The following PINLYP variants were observed in gnomAD, a reference collection of about 807,000 sequenced individuals.
PINLYP encodes phospholipase A2 inhibitor and Ly6/PLAUR domain-containing protein.
In PINLYP, 12 loss-of-function variants were observed where a neutral mutation model predicts 15.8. The ratio of observed to expected loss-of-function variants is 0.76; its 90% confidence interval spans 0.49 to 1.23. The LOEUF (loss-of-function observed/expected upper bound fraction) is 1.23. Ranked by LOEUF, PINLYP falls within the 50% of genes most tolerant of loss-of-function variation. PINLYP has a pLI of 0.00. For synonymous variants in PINLYP, 93 were observed against 97.7 expected (o/e 0.95, Z 0.28); for missense variants, 278 against 264.2 (o/e 1.05, Z -0.36).
At chr19:43,576,917 A>C in exon 1 of PINLYP, 1 of 414,122 alleles carries the variant, frequency 2.4e-6, no homozygotes, top group South Asian at 4.8e-5. Flanking sequence ...GGGCCGTGGG[A>C]AGGTGAGAAA....
chr19:43,581,712 T>C lies in PINLYP; in HGVS notation c.481+9T>C, dbSNP rs1287044534. 2 of 1,536,000 alleles carry C rather than the reference T, an allele frequency of 1.3e-6. No homozygotes were observed. Among genetic ancestry groups the C allele is most frequent in the East Asian group, 2.4e-5 (1 of 40,916 alleles). The stretch of plus-strand genomic sequence containing the variant: ...TGGACACGTGCAGGCTGGTGAGTGG[T>C]GCCTGAATCTCTGGAAAAGGAAACA... On this transcript the variant is annotated intron_variant, in intron 5 of 5. Coordinates refer to ENST00000599207, the Ensembl canonical transcript of PINLYP.
rs1030725034 is a variant in PINLYP at position 43,578,570 on chromosome 19, G to A, written c.71-20G>A. Reference sequence around the variant, plus strand: ...CCACACCACCCATGACTACAGCCTCGCCCTCTGTCTACACTGCAGGGTGCC... The same window carrying A: ...CCACACCACCCATGACTACAGCCTCACCCTCTGTCTACACTGCAGGGTGCC... On this transcript the variant is annotated intron_variant, in intron 2 of 5. Coordinates refer to ENST00000599207, the Ensembl canonical transcript of PINLYP. The A allele has an allele frequency of 1.5e-5, 23 of 1,522,472 alleles. No individual in the cohort carries two copies. In the Admixed American group the frequency reaches 1.6e-4, roughly 10 times the overall value. 94.3% of individuals were successfully genotyped at this position (1,522,472 alleles called of 1,614,324 possible). A position where few individuals can be genotyped will look rare whatever the true frequency, so the allele number is the denominator to read the frequency against.
chr19:43,581,932 T>C, exon 6 of PINLYP: 1 of 1,536,584 alleles, frequency 6.5e-7, no homozygotes, highest in African/African-American at 1.4e-5. Flanking sequence ...TTACCAAGCC[T>C]GGTGCTGAAG....
upstream of PINLYP, chr19:43,575,516 G>A: frequency 3.2e-6 from 5 of 1,572,842 alleles, no homozygotes; most frequent in East Asian, 2.3e-5. Context: ...GGGTCCGAGG[G>A]GCAGGGAGAG....
chr19:43,576,957 G>A, intron 1 of PINLYP, 38 bp downstream of exon 1: 1 of 595,358 alleles, frequency 1.7e-6, no homozygotes, highest in Non-Finnish European at 2.8e-6. Flanking sequence ...GGTTCTAATA[G>A]AAGAGGGGGA....
chr19:43,576,212 C>T (rs1972860802), exon 1 of PINLYP, among the ~76,000 whole-genome samples: 1 of 152,162 alleles, frequency 6.6e-6, no homozygotes, highest in Non-Finnish European at 1.5e-5. Context: ...AGCGACTGCG[C>T]TGGGCTAGGA....
chr19:43,581,946 C>A, exon 6 of PINLYP: 1 of 1,536,362 alleles, frequency 6.5e-7, no homozygotes, highest in Non-Finnish European at 8.7e-7. Flanking sequence ...GCTGAAGTAC[C>A]CACAGGCACC....
At chr19:43,580,714 G>A (rs1222275674) in intron 3 of PINLYP, 1 of 982,750 alleles carries the variant, frequency 1.0e-6, no homozygotes. Context: ...GCCGACTAGG[G>A]GCTATGGCAG....
exon 1 of PINLYP, among the ~76,000 whole-genome samples, chr19:43,576,364 C>T (rs542132773): frequency 6.6e-6 from 1 of 152,050 alleles, no homozygotes; most frequent in African/African-American, 2.4e-5. Context: ...CATACATACG[C>T]GCGCGCGCAC....
At position 43,577,431 on chromosome 19, in the gene PINLYP, G is replaced by A. The variant is rs144970829; in HGVS notation, c.70+170G>A. 1.1e-4 allele frequency among the ~76,000 whole-genome samples: 16 copies of A among 152,212 alleles called. No homozygotes were observed. In the East Asian group the frequency reaches 2.3e-3, roughly 22 times the overall value. Reference sequence around the variant, plus strand: ...GGAAGAGGCCAAGGGTAAAGGAAGAGAAAGCCTGGGGGTCCCAGAGAAGAA... The same window carrying A: ...GGAAGAGGCCAAGGGTAAAGGAAGAAAAAGCCTGGGGGTCCCAGAGAAGAA... On this transcript the variant is annotated intron_variant, in intron 2 of 5. Coordinates refer to ENST00000599207, the Ensembl canonical transcript of PINLYP.
intron 3 of PINLYP, chr19:43,580,584 T>TA: frequency 1.0e-6 from 1 of 956,188 alleles, no homozygotes. Flanking sequence ...CGGCCTGAAA[T>TA]AGAGTAATCC....
exon 3 of PINLYP, chr19:43,578,604 T>G: frequency 6.5e-7 from 1 of 1,535,780 alleles, no homozygotes; most frequent in Non-Finnish European, 8.7e-7. Context: ...CCCACTACAC[T>G]GCGAAATATG....
Position 43,581,643 on chromosome 19 carries a change from ATGACCCAC to A in PINLYP, c.424_431del (p.Thr142TyrfsTer41). ...CTTCAGGGACAAATGCATGGGGCCC[ATGACCCAC>A]TGTACTGGAAAGGAAAACCACTGCG... On this transcript the variant is annotated frameshift_variant, in exon 5 of 6. Transcript: ENST00000599207. LOFTEE classifies it high-confidence loss of function. The A allele has an allele frequency of 1.3e-6, 2 of 1,536,536 alleles. No individual in the cohort carries two copies. The highest frequency in any genetic ancestry group is 8.7e-7 in the Non-Finnish European group (1 of 1,146,990).
intron 3 of PINLYP, among the ~76,000 whole-genome samples, chr19:43,579,561 A>T (rs1338641997): frequency 6.6e-6 from 1 of 150,498 alleles, no homozygotes; most frequent in Non-Finnish European, 1.5e-5. Context: ...AAATCATCGT[A>T]AAGAGGAGAA....
At chr19:43,576,987 G>A in intron 1 of PINLYP, 68 bp downstream of exon 1, 2 of 868,812 alleles carry the variant, frequency 2.3e-6, no homozygotes, top group Non-Finnish European at 3.4e-6. Context: ...AGACTCCTGG[G>A]GTCTCCATGG....
intron 2 of PINLYP, 123 bp from the exon 3 acceptor site, chr19:43,578,467 C>G (rs1568522072): frequency 6.1e-6 from 4 of 658,250 alleles, no homozygotes; most frequent in Non-Finnish European, 1.0e-5. Flanking sequence ...CAACATCCCG[C>G]CCATGAAAAA....
At chr19:43,578,837 G>A (rs1331138987) in intron 3 of PINLYP, 131 bp downstream of exon 3, 2 of 669,064 alleles carry the variant, frequency 3.0e-6, no homozygotes, top group East Asian at 2.8e-5. Context: ...TGGAGAGCAG[G>A]AAAGAGGGAA....
chr19:43,578,825 A>C (rs1341904499), intron 3 of PINLYP, 119 bp downstream of exon 3: 1 of 731,820 alleles, frequency 1.4e-6, no homozygotes, highest in Non-Finnish European at 2.4e-6. Flanking sequence ...GGAAGAAATC[A>C]GTGGAGAGCA....
chr19:43,575,597 C>A, upstream of PINLYP: 1 of 772,142 alleles, frequency 1.3e-6, no homozygotes, highest in Non-Finnish European at 2.0e-6. Context: ...CTTTCAAACC[C>A]CGGCGCGCCG....
Sources: allele counts gnomAD v4.1 joint callset (sites outside exome capture counted in the v4.1 genomes callset), GRCh38; gene constraint gnomAD v4.1.1; transcripts MANE v1.5; gene names NCBI Gene and HGNC (gene_info 2026-07-23, HGNC 2026-07-21).